The following DOCK2 variants were observed in gnomAD, a reference collection of about 807,000 sequenced individuals.
The protein encoded by DOCK2 is dedicator of cytokinesis protein 2.
Under a neutral mutation model 248.9 loss-of-function variants are expected in DOCK2, and 87 were observed. The observed-to-expected ratio is 0.35, with a 90% CI of 0.29 to 0.42. The LOEUF (loss-of-function observed/expected upper bound fraction) is 0.42. Ranked by LOEUF, DOCK2 falls within the 10% of genes least tolerant of loss-of-function variation. DOCK2 has a pLI of 1.00. For synonymous variants in DOCK2, 805 were observed against 821.6 expected (o/e 0.98, Z 0.35); for missense variants, 1,747 against 2,300.2 (o/e 0.76, Z 4.92).
At position 169,714,367 on chromosome 5, in the gene DOCK2, G is replaced by T; in HGVS notation, c.1851G>T (p.Leu617Phe). The change falls in exon 19 of 52, where the codon TTG (leucine) becomes TTT (phenylalanine). Residue 617 changes from leucine to phenylalanine, a missense_variant. Leu to Phe is a conservative substitution (Grantham distance 22). Coordinates refer to ENST00000520908, the MANE Select transcript of DOCK2 (RefSeq NM_004946.3). ...GTCTGGACTCTATTTTAGTGGGCTT[G>T]CTGGGTTTGCTGAAGTGGCGTATGA... Reference protein sequence around the residue: ...CSTKLTQNVGLLGLLKWRMKP... With the variant: ...CSTKLTQNVGFLGLLKWRMKP... 6.2e-7 allele frequency: 1 copy of T among 1,614,102 alleles called. No individual in the cohort carries two copies. Among genetic ancestry groups the T allele is most frequent in the East Asian group, 2.2e-5 (1 of 44,882 alleles).
intron 1 of DOCK2, among the ~76,000 whole-genome samples, chr5:169,642,190 G>A (rs1267259515): frequency 6.6e-6 from 1 of 152,210 alleles, no homozygotes. Flanking sequence ...AGGATAGAGA[G>A]CATCACTCAC....
At position 170,041,221 on chromosome 5, in the gene DOCK2, A is replaced by G. The variant is rs115631906; in HGVS notation, c.3756+76A>G. 7.2e-3 allele frequency: 9,294 copies of G among 1,295,096 alleles called. 60 individuals are homozygous for G. The highest frequency in any genetic ancestry group is 8.5e-3 in the Non-Finnish European group (7,659 of 903,642). The allele number at this position is 1,295,096 out of a possible 1,614,324, so 80.2% of individuals were successfully genotyped here. ...TCACAGCAAGTTGAAGAGTGAAAAAAGAAAAAAAAGAAAAAGAATCCAAAT... is the reference window on the plus strand; with the variant it reads ...TCACAGCAAGTTGAAGAGTGAAAAAGGAAAAAAAAGAAAAAGAATCCAAAT... On this transcript the variant is annotated intron_variant, in intron 37 of 51. Transcript: ENST00000520908.
intron 25 of DOCK2, among the ~76,000 whole-genome samples, chr5:169,791,171 A>G (rs907368580): frequency 2.0e-5 from 3 of 151,406 alleles, no homozygotes; most frequent in Non-Finnish European, 4.4e-5. Flanking sequence ...ATCCTACTGG[A>G]TAACAGGCAT....
intron 26 of DOCK2, among the ~76,000 whole-genome samples, chr5:169,836,037 T>C (rs1174521370): frequency 2.0e-5 from 3 of 152,246 alleles, no homozygotes; most frequent in African/African-American, 7.2e-5. Flanking sequence ...GTTATAGGCA[T>C]GAGCCACTGT....
intron 27 of DOCK2, among the ~76,000 whole-genome samples, chr5:169,861,176 T>C (rs891208846): frequency 2.6e-5 from 4 of 152,198 alleles, no homozygotes; most frequent in African/African-American, 9.7e-5. Flanking sequence ...TCTTTATTTA[T>C]TTCCCTTAGA....
intron 27 of DOCK2, among the ~76,000 whole-genome samples, chr5:169,939,741 T>C (rs1014097066): frequency 4.6e-5 from 7 of 152,240 alleles, no homozygotes; most frequent in African/African-American, 1.7e-4. Flanking sequence ...AAAATTAATA[T>C]ACTTAAAGTT....
At chr5:169,779,186 AGAG>A (rs1181276486) in intron 25 of DOCK2, 1 of 152,274 alleles carries the variant, frequency 6.6e-6, no homozygotes, top group Non-Finnish European at 1.5e-5. Context: ...TCCATTTTAC[AGAG>A]GAGGAAAAAA....
At chr5:169,942,430 C>A (rs1399813472) in intron 27 of DOCK2, among the ~76,000 whole-genome samples, 2 of 152,184 alleles carry the variant, frequency 1.3e-5, no homozygotes, top group Non-Finnish European at 2.9e-5. Flanking sequence ...TGATTAGCAA[C>A]AGTTCATGCA....
intron 1 of DOCK2, among the ~76,000 whole-genome samples, chr5:169,639,293 C>T (rs998298980): frequency 2.0e-5 from 3 of 152,144 alleles, no homozygotes. Context: ...TCCACTCTGC[C>T]TGAGGCTCTT....
intron 43 of DOCK2, chr5:170,057,016 C>T (rs1286387083): frequency 2.0e-6 from 1 of 489,004 alleles, no homozygotes; most frequent in East Asian, 3.6e-5. Context: ...AACCACAGGG[C>T]ATTCAGGCAT....
chr5:170,034,142 G>T (rs1032258216), intron 34 of DOCK2, among the ~76,000 whole-genome samples: 1 of 152,162 alleles, frequency 6.6e-6, no homozygotes, highest in East Asian at 1.9e-4. Context: ...CTCAGCAGGG[G>T]TGGGTAAAAG....
At chr5:169,878,225 G>A (rs527443429) in intron 27 of DOCK2, among the ~76,000 whole-genome samples, 37 of 152,264 alleles carry the variant, frequency 2.4e-4, no homozygotes, top group Non-Finnish European at 3.8e-4. Flanking sequence ...AAAAGGAGCC[G>A]ATTCCTTAGG....
intron 3 of DOCK2, among the ~76,000 whole-genome samples, chr5:169,670,140 C>T (rs1432028903): frequency 1.3e-5 from 2 of 152,212 alleles, no homozygotes; most frequent in Non-Finnish European, 2.9e-5. Flanking sequence ...TGACCGCTTT[C>T]CGGAATCGGG....
intron 38 of DOCK2, among the ~76,000 whole-genome samples, chr5:170,042,741 A>G (rs552702279): frequency 7.6e-4 from 116 of 152,318 alleles, no homozygotes; most frequent in Non-Finnish European, 1.5e-3. Flanking sequence ...CAGCAGCACC[A>G]CTGCCCCAGG....
At chr5:169,827,698 T>A (rs1308473395) in intron 26 of DOCK2, among the ~76,000 whole-genome samples, 1 of 152,148 alleles carries the variant, frequency 6.6e-6, no homozygotes, top group Non-Finnish European at 1.5e-5. Flanking sequence ...AAATGAGTTC[T>A]CCCTCGCCCA....
rs67124138 is a variant in DOCK2 at position 169,853,804 on chromosome 5, C to CTTTTTT, written c.2799+12992_2799+12997dup. Among the ~76,000 whole-genome samples, 20 of 56,854 alleles carry CTTTTTT rather than the reference C, an allele frequency of 3.5e-4. 3 individuals carry two copies. The highest frequency in any genetic ancestry group is 8.8e-4 in the African/African-American group (11 of 12,450). The allele number at this position is 56,854 out of a possible 152,430, so 37.3% of individuals were successfully genotyped here. A position where few individuals can be genotyped will look rare whatever the true frequency, so the allele number is the denominator to read the frequency against. ...TTCCTTCTATAATCAGGAAAAACAACTTTTTTTTTTTTTTTTTTTTTTTTT... is the reference window on the plus strand; with the variant it reads ...TTCCTTCTATAATCAGGAAAAACAACTTTTTTTTTTTTTTTTTTTTTTTTTTTTTTT... On this transcript the variant is annotated intron_variant, in intron 27 of 51. Coordinates refer to ENST00000520908, the MANE Select transcript of DOCK2 (RefSeq NM_004946.3).
intron 25 of DOCK2, among the ~76,000 whole-genome samples, chr5:169,801,325 C>T (rs1478179236): frequency 6.6e-6 from 1 of 151,922 alleles, no homozygotes; most frequent in African/African-American, 2.4e-5. Context: ...TCATGTAGTG[C>T]TTAAGAGCAC....
chr5:169,701,597 C>G (rs1760972279), intron 13 of DOCK2, among the ~76,000 whole-genome samples: 1 of 152,040 alleles, frequency 6.6e-6, no homozygotes, highest in Admixed American at 6.5e-5. Flanking sequence ...TCACTGCAGC[C>G]TCTGCCTCCC....
chr5:169,930,806 G>T (rs1775716186), intron 27 of DOCK2, among the ~76,000 whole-genome samples: 1 of 152,116 alleles, frequency 6.6e-6, no homozygotes, highest in African/African-American at 2.4e-5. Context: ...CATCTCTCTT[G>T]GTTTCTTTTC....
Sources: gnomAD v4.1 joint callset for allele counts (sites outside exome capture counted in the v4.1 genomes callset) on GRCh38, gnomAD v4.1.1 for gene constraint, MANE v1.5 for transcripts, NCBI Gene and HGNC (gene_info 2026-07-23, HGNC 2026-07-21) for gene names.